The following GASK1B variants were observed in gnomAD, a reference collection of about 807,000 sequenced individuals.
GASK1B encodes the protein Golgi-associated kinase 1B.
In GASK1B, 34 loss-of-function variants were observed where a neutral mutation model predicts 42.8. The ratio of observed to expected loss-of-function variants is 0.79; its 90% CI spans 0.60 to 1.06. The LOEUF is 1.06. Among genes scored for constraint, GASK1B ranks in the 50% least tolerant of loss-of-function variants. GASK1B has a pLI of 0.00. For missense variants in GASK1B, 686 were observed against 661.0 expected, an observed-to-expected ratio of 1.04 and a Z score of -0.42; for synonymous variants, 262 against 259.1, an observed-to-expected ratio of 1.01 and a Z score of -0.11.
In GASK1B at chr4:158,141,597, C is replaced by CTTT. The variant is rs199530247; in HGVS notation, c.1126-10588_1126-10586dup. 1.1e-4 allele frequency among the ~76,000 whole-genome samples: 12 copies of CTTT among 113,696 alleles called. 1 individual carries two copies. Among genetic ancestry groups the CTTT allele is most frequent in the Admixed American group, 2.7e-4 (3 of 10,966 alleles). The allele number at this position is 113,696 out of a possible 152,430, so 74.6% of individuals were successfully genotyped here. On this transcript the variant is annotated intron_variant, in intron 3 of 4. Coordinates refer to ENST00000585682, the MANE Select transcript of GASK1B (RefSeq NM_001128424.2). ...CATAGGTCAGTGCCTTTGTATTTACCTTTTTTTTTTTTTTTTTTTTTTTTT... is the reference window on the plus strand; with the variant it reads ...CATAGGTCAGTGCCTTTGTATTTACCTTTTTTTTTTTTTTTTTTTTTTTTTTTT...
At position 158,127,372 on chromosome 4, in the gene GASK1B, A is replaced by C; in HGVS notation, c.*35T>G. ...TTAAAAACAAAACCAAAAATGCATA[A>C]ATATATCTAACACCCTAGCCAGAAG... is the stretch of plus-strand genomic sequence containing the variant. On this transcript the variant is annotated 3_prime_UTR_variant, in exon 5 of 5. Transcript: ENST00000585682. 6.3e-7 allele frequency: 1 copy of C among 1,577,224 alleles called. No homozygotes were observed. The highest frequency in any genetic ancestry group is 8.7e-7 in the Non-Finnish European group (1 of 1,155,538).
intron 3 of GASK1B, among the ~76,000 whole-genome samples, chr4:158,141,272 A>C (rs1731103837): frequency 6.6e-6 from 1 of 151,996 alleles, no homozygotes; most frequent in Non-Finnish European, 1.5e-5. Flanking sequence ...CAGTCTGAAA[A>C]GGATGTGTAC....
At chr4:158,147,049 C>T (rs1374233069) in intron 3 of GASK1B, among the ~76,000 whole-genome samples, 2 of 152,164 alleles carry the variant, frequency 1.3e-5, no homozygotes, top group Non-Finnish European at 2.9e-5. Context: ...CTGGCTCTGG[C>T]ATCATAGAGC....
chr4:158,146,175 G>A (rs1209673250), intron 3 of GASK1B, among the ~76,000 whole-genome samples: 3 of 151,222 alleles, frequency 2.0e-5, no homozygotes, highest in African/African-American at 7.3e-5. Context: ...CATGCCCTGT[G>A]TAAGTGTGAC....
intron 3 of GASK1B, among the ~76,000 whole-genome samples, chr4:158,132,901 T>C (rs935564099): frequency 1.3e-5 from 2 of 152,196 alleles, no homozygotes; most frequent in Non-Finnish European, 2.9e-5. Flanking sequence ...CTTGTTAATG[T>C]GCATTTGATT....
At chr4:158,169,964 A>C (rs541853114) in intron 2 of GASK1B, 185 of 438,482 alleles carry the variant, frequency 4.2e-4, no homozygotes, top group African/African-American at 3.3e-3. Flanking sequence ...TCCATTGAAA[A>C]AAAAAGGGGG....
rs745441423 is a variant in GASK1B, at chr4:158,149,923, C to CTTTTTT, written c.1125+5682_1125+5687dup. 2.4e-4 allele frequency among the ~76,000 whole-genome samples: 16 copies of CTTTTTT among 67,172 alleles called. 4 individuals are homozygous for CTTTTTT. The highest frequency in any genetic ancestry group is 8.6e-4 in the Admixed American group (3 of 3,480). The allele number at this position is 67,172 out of a possible 152,430, so 44.1% of individuals were successfully genotyped here. Reference sequence around the variant, plus strand: ...ATCTTAGATTTTGTTCTGCATGCTGCTTTTTTTTTTTTTTTTTTTGAGACG... The same window carrying CTTTTTT: ...ATCTTAGATTTTGTTCTGCATGCTGCTTTTTTTTTTTTTTTTTTTTTTTTTGAGACG... On this transcript the variant is annotated intron_variant, in intron 3 of 4. Coordinates refer to ENST00000585682, the MANE Select transcript of GASK1B (RefSeq NM_001128424.2).
At chr4:158,162,876 A>G (rs1732078970) in intron 2 of GASK1B, among the ~76,000 whole-genome samples, 1 of 152,234 alleles carries the variant, frequency 6.6e-6, no homozygotes. Flanking sequence ...ATGTGAAGGG[A>G]TAGCGGGAGG....
chr4:158,139,060 G>A (rs1454657318), intron 3 of GASK1B, among the ~76,000 whole-genome samples: 1 of 152,112 alleles, frequency 6.6e-6, no homozygotes, highest in Non-Finnish European at 1.5e-5. Flanking sequence ...ATCCAGAATA[G>A]TATATATTTT....
At chr4:158,157,595 T>A (rs1195463248) in intron 2 of GASK1B, among the ~76,000 whole-genome samples, 1 of 152,084 alleles carries the variant, frequency 6.6e-6, no homozygotes, top group Non-Finnish European at 1.5e-5. Context: ...AGAAGCTCTT[T>A]CTATTAGTGT....
chr4:158,156,323 G>A (rs1010912393), intron 2 of GASK1B, among the ~76,000 whole-genome samples: 1 of 152,148 alleles, frequency 6.6e-6, no homozygotes, highest in Non-Finnish European at 1.5e-5. Context: ...AAATTGTATG[G>A]TTCACACCAA....
intron 2 of GASK1B, among the ~76,000 whole-genome samples, chr4:158,156,863 G>A (rs769634186): frequency 3.3e-5 from 5 of 152,058 alleles, no homozygotes; most frequent in Non-Finnish European, 7.4e-5. Context: ...ATTACAACCA[G>A]AATGTTCAGA....
intron 2 of GASK1B, among the ~76,000 whole-genome samples, chr4:158,163,361 G>C (rs1732101795): frequency 6.6e-6 from 1 of 152,152 alleles, no homozygotes; most frequent in Admixed American, 6.5e-5. Context: ...ACGAGGTCAG[G>C]AGTTTGAGAC....
At position 158,155,825 on chromosome 4, in the gene GASK1B, T is replaced by A. The variant is rs144014624; in HGVS notation, c.911A>T (p.Asp304Val). The A allele has an allele frequency of 6.2e-7, 1 of 1,612,980 alleles. No homozygotes were observed. The highest frequency in any genetic ancestry group is 8.5e-7 in the Non-Finnish European group (1 of 1,179,278). The change falls in exon 3 of 5, where the codon GAT becomes GTT. Residue 304 changes from aspartate (D) to valine (V), a missense_variant and splice_region_variant. Transcript: ENST00000585682. The stretch of plus-strand genomic sequence containing the variant: ...AAGAATGATGGGGCATGGGCGGCCA[T>A]CTATAGAATCAGAAAAACAAACACA... ...SVSRKAEFIQ[D>V]GRPCPIILWD...
In GASK1B at chr4:158,127,358, A is replaced by G. The variant is rs1487716839; in HGVS notation, c.*49T>C. On this transcript the variant is annotated 3_prime_UTR_variant, in exon 5 of 5. Coordinates refer to ENST00000585682, the MANE Select transcript of GASK1B (RefSeq NM_001128424.2). ...TTGATGTGCTTGATTTAAAAACAAA[A>G]CCAAAAATGCATAAATATATCTAAC... is the stretch of plus-strand genomic sequence containing the variant. The G allele has an allele frequency of 3.9e-6, 6 of 1,542,092 alleles. No homozygotes were observed. Among genetic ancestry groups the G allele is most frequent in the Non-Finnish European group, 5.3e-6 (6 of 1,128,392 alleles).
At position 158,130,862 on chromosome 4, in the gene GASK1B, C is replaced by T; in HGVS notation, c.1276G>A (p.Val426Ile). The T allele has an allele frequency of 6.2e-7, 1 of 1,614,058 alleles. No homozygotes were observed. Among genetic ancestry groups the T allele is most frequent in the Non-Finnish European group, 8.5e-7 (1 of 1,179,962 alleles). The change falls in exon 4 of 5, where the codon GTT becomes ATT. Residue 426 changes from valine to isoleucine, a missense_variant. Val to Ile is a conservative substitution (Grantham distance 29). Coordinates refer to ENST00000585682, the MANE Select transcript of GASK1B (RefSeq NM_001128424.2). Reference protein sequence around the residue: ...IQRKHDPRHLVFIDNKGFFDR... With the variant: ...IQRKHDPRHLIFIDNKGFFDR... ...AAGAAACCCTTGTTGTCTATAAAAA[C>T]CAAATGCCTTGGGTCATGCTTTCGC...
At chr4:158,155,855 C>A in intron 2 of GASK1B, 30 bp from the exon 3 acceptor site, 1 of 1,593,258 alleles carries the variant, frequency 6.3e-7, no homozygotes, top group South Asian at 1.1e-5. Flanking sequence ...AACACACTTT[C>A]AGCACACTAT....
intron 3 of GASK1B, among the ~76,000 whole-genome samples, chr4:158,143,672 AACCTGGCAT>A (rs1420621273): frequency 1.3e-5 from 2 of 152,212 alleles, no homozygotes; most frequent in African/African-American, 4.8e-5. Context: ...AAAAATCTCA[AACCTGGCAT>A]ATTTTAAAAA....
chr4:158,139,982 T>A (rs1731052682), intron 3 of GASK1B, among the ~76,000 whole-genome samples: 1 of 152,210 alleles, frequency 6.6e-6, no homozygotes, highest in African/African-American at 2.4e-5. Flanking sequence ...TAGATTTTCA[T>A]TGCTTCAAGA....
Sources: gnomAD v4.1 joint callset for allele counts (sites outside exome capture counted in the v4.1 genomes callset) on GRCh38, gnomAD v4.1.1 for gene constraint, MANE v1.5 for transcripts, NCBI Gene and HGNC (gene_info 2026-07-23, HGNC 2026-07-21) for gene names.